Variants in RELN observed in about 807,000 individuals in gnomAD.
RELN encodes the protein reelin.
Under a neutral mutation model 427.6 loss-of-function variants are expected in RELN, and 108 were observed. The observed-to-expected ratio is 0.25, with a 90% confidence interval of 0.22 to 0.30. The LOEUF is 0.30. RELN is among the 10% of genes least tolerant of loss of function. The probability of loss-of-function intolerance (pLI) is 1.00; values close to 1 mark genes in which losing one functional copy is unlikely to be tolerated. For synonymous variants in RELN, 1,524 were observed against 1,513.4 expected, an observed-to-expected ratio of 1.01 and a Z score of -0.16; for missense variants, 3,715 against 4,302.8, an observed-to-expected ratio of 0.86 and a Z score of 3.82.
intron 3 of RELN, among the ~76,000 whole-genome samples, chr7:103,816,530 A>AACACACACACACACACACACACACACAC (rs57873981): frequency 3.5e-5 from 5 of 143,636 alleles, no homozygotes; most frequent in Admixed American, 1.4e-4. Flanking sequence ...TTTCTCTAGA[A>AACACACACACACACACACACACACACAC]ACACACACAC....
intron 8 of RELN, among the ~76,000 whole-genome samples, chr7:103,718,953 CAAAG>C (rs892106266): frequency 6.6e-6 from 1 of 152,074 alleles, no homozygotes; most frequent in Non-Finnish European, 1.5e-5. Context: ...AAGGAAGTGA[CAAAG>C]AACCCCTAAC....
rs574735785 is a variant in RELN, at chr7:103,568,140, C to A, written c.4589-1381G>T. Among the ~76,000 whole-genome samples the A allele has an allele frequency of 1.1e-4, 16 of 152,260 alleles. No homozygotes were observed. The South Asian group carries it at 2.7e-3, about 26-fold the overall frequency. On this transcript the variant is annotated intron_variant, in intron 31 of 64. Coordinates refer to ENST00000428762, the MANE Select transcript of RELN (RefSeq NM_005045.4). ...AAATTATAATTTTTTTTGCTATACA[C>A]AACCTTTCTGTTTCCCTATTCTTGA...
At chr7:103,914,915 T>C (rs1462068693) in intron 2 of RELN, among the ~76,000 whole-genome samples, 1 of 152,142 alleles carries the variant, frequency 6.6e-6, no homozygotes, top group African/African-American at 2.4e-5. Context: ...GTTTTCTCCA[T>C]ACTGACCTCA....
chr7:103,577,063 C>T (rs1452791207), intron 28 of RELN, among the ~76,000 whole-genome samples: 1 of 152,160 alleles, frequency 6.6e-6, no homozygotes, highest in Non-Finnish European at 1.5e-5. Flanking sequence ...ATTGGTGTAT[C>T]CACATTCCAA....
intron 3 of RELN, among the ~76,000 whole-genome samples, chr7:103,820,007 T>C (rs922256316): frequency 6.6e-6 from 1 of 152,006 alleles, no homozygotes; most frequent in Admixed American, 6.6e-5. Flanking sequence ...ATGGATAATA[T>C]AGATTTAATT....
At chr7:103,904,650 T>C (rs1020218307) in intron 2 of RELN, among the ~76,000 whole-genome samples, 1 of 152,190 alleles carries the variant, frequency 6.6e-6, no homozygotes, top group Non-Finnish European at 1.5e-5. Flanking sequence ...GGAATGTGTG[T>C]TTTTGTTTGC....
chr7:103,668,004 C>T (rs572320721), intron 11 of RELN, among the ~76,000 whole-genome samples: 63 of 152,166 alleles, frequency 4.1e-4, no homozygotes, highest in African/African-American at 1.4e-3. Context: ...CCAAGGTGGG[C>T]GGATCACTTG....
rs953430006 is a variant in RELN, at chr7:103,989,644, C to G, written c.-288G>C. 6.2e-6 allele frequency: 2 copies of G among 321,324 alleles called. No individual in the cohort carries two copies. Among genetic ancestry groups the G allele is most frequent in the South Asian group, 2.4e-4 (2 of 8,212 alleles). 19.9% of individuals were successfully genotyped at this position (321,324 alleles called of 1,614,324 possible). A position where few individuals can be genotyped will look rare whatever the true frequency, so the allele number is the denominator to read the frequency against. The stretch of plus-strand genomic sequence containing the variant: ...CCGCCGCCGCCTCTGCGCGACGCCC[C>G]TCGGCCAGGCCTGGGAAAGCGCCCG... On this transcript the variant is annotated 5_prime_UTR_variant, in exon 1 of 65. Coordinates refer to ENST00000428762, the MANE Select transcript of RELN (RefSeq NM_005045.4). This position sits in a 1 kb window ranked among gnomAD's most constrained non-coding sequence, Gnocchi z 4.9.
At chr7:103,967,743 C>T (rs1796688186) in intron 1 of RELN, among the ~76,000 whole-genome samples, 2 of 152,202 alleles carry the variant, frequency 1.3e-5, no homozygotes, top group Admixed American at 1.3e-4. Context: ...AAAACTTTTC[C>T]CACAAGTCTC....
intron 61 of RELN, 151 bp downstream of exon 61, chr7:103,486,046 T>A (rs961331764): frequency 1.4e-6 from 1 of 733,124 alleles, no homozygotes. Flanking sequence ...GTGAAACATA[T>A]ATGCTTCCTT....
rs768090469 is a variant in RELN, at chr7:103,826,319, A to AGTGTGTGT, written c.473+7217_473+7218insACACACAC. Among the ~76,000 whole-genome samples, 579 of 137,566 alleles carry AGTGTGTGT rather than the reference A, an allele frequency of 4.2e-3. 11 individuals carry two copies. Among genetic ancestry groups the AGTGTGTGT allele is most frequent in the African/African-American group, 6.1e-3 (211 of 34,834 alleles). The allele number at this position is 137,566 out of a possible 152,430, so 90.2% of individuals were successfully genotyped here. A position where few individuals can be genotyped will look rare whatever the true frequency, so the allele number is the denominator to read the frequency against. ...ACAGAAGCACAAAACAGACTAAGAC[A>AGTGTGTGT]ATGTGTGTGTGTGTGTGTGTGTGTG... On this transcript the variant is annotated intron_variant, in intron 3 of 64. Coordinates refer to ENST00000428762, the MANE Select transcript of RELN (RefSeq NM_005045.4).
chr7:103,790,692 G>A (rs1019814472), intron 3 of RELN, among the ~76,000 whole-genome samples: 1 of 152,100 alleles, frequency 6.6e-6, no homozygotes, highest in African/African-American at 2.4e-5. Flanking sequence ...AGGCAGGCGT[G>A]GTGGCTCATG....
At chr7:103,756,171 T>C (rs1791146987) in intron 4 of RELN, among the ~76,000 whole-genome samples, 1 of 152,220 alleles carries the variant, frequency 6.6e-6, no homozygotes, top group South Asian at 2.1e-4. Flanking sequence ...CTTTAAATTG[T>C]TTATTGAAAT....
chr7:103,553,867 G>A (rs1446336032), intron 38 of RELN, 36 bp from the exon 39 acceptor site: 1 of 1,570,518 alleles, frequency 6.4e-7, no homozygotes, highest in African/African-American at 1.4e-5. Context: ...TTTTTCCAGT[G>A]ATGAAAATCA....
intron 16 of RELN, among the ~76,000 whole-genome samples, chr7:103,642,776 A>G (rs920859272): frequency 6.6e-6 from 1 of 152,132 alleles, no homozygotes; most frequent in African/African-American, 2.4e-5. Context: ...AAAGTAATAA[A>G]GGTTCATTAT....
At chr7:103,519,664 C>T (rs1829655782) in intron 48 of RELN, 148 bp from the exon 49 acceptor site, 2 of 641,182 alleles carry the variant, frequency 3.1e-6, no homozygotes, top group Non-Finnish European at 5.4e-6. Context: ...CTCACTGCAG[C>T]CTTGACCTCC....
At chr7:103,781,286 G>C (rs1366706886) in intron 3 of RELN, among the ~76,000 whole-genome samples, 1 of 152,038 alleles carries the variant, frequency 6.6e-6, no homozygotes, top group Non-Finnish European at 1.5e-5. Flanking sequence ...ATTCATGGTG[G>C]TTTACCCACA....
chr7:103,702,354 T>C (rs1834111569), intron 8 of RELN, among the ~76,000 whole-genome samples: 1 of 152,244 alleles, frequency 6.6e-6, no homozygotes, highest in African/African-American at 2.4e-5. Context: ...GTTACTCGTG[T>C]GCTTCCTTTA....
chr7:103,511,519 C>G (rs1020808328), intron 50 of RELN, among the ~76,000 whole-genome samples: 1 of 151,946 alleles, frequency 6.6e-6, no homozygotes, highest in Non-Finnish European at 1.5e-5. Context: ...AACTAAAAAG[C>G]TTGTAATGAA....
Sources: gnomAD v4.1 joint callset for allele counts (sites outside exome capture counted in the v4.1 genomes callset) on GRCh38, gnomAD v4.1.1 for gene constraint, Gnocchi (gnomAD v3.1) non-coding constraint, MANE v1.5 for transcripts, NCBI Gene and HGNC (gene_info 2026-07-23, HGNC 2026-07-21) for gene names.